MORC2: variants seen among roughly 807,000 people sequenced by gnomAD.
MORC2 encodes ATPase MORC2.
A neutral mutation model predicts 136.0 loss-of-function variants in MORC2; 30 were observed. The ratio of observed to expected loss-of-function variants is 0.22; its 90% CI spans 0.17 to 0.30. The LOEUF is 0.30. Ranked by LOEUF, MORC2 falls within the 10% of genes least tolerant of loss-of-function variation. MORC2 has a pLI of 1.00. For missense variants in MORC2, 922 were observed against 1,333.1 expected (o/e 0.69, Z 4.80); for synonymous variants, 439 against 487.0 (o/e 0.90, Z 1.30).
At chr22:30,967,771 T>C (rs1221523964) in intron 1 of MORC2, 51 bp downstream of exon 1, 7 of 1,548,506 alleles carry the variant, frequency 4.5e-6, no homozygotes, top group Non-Finnish European at 4.4e-6. Context: ...TTCCATATAA[T>C]ATCAAGGAAC....
intron 17 of MORC2, among the ~76,000 whole-genome samples, chr22:30,936,062 A>G (rs2040646975): frequency 6.6e-6 from 1 of 152,242 alleles, no homozygotes; most frequent in Middle Eastern, 3.2e-3. Flanking sequence ...TCACTTCTAG[A>G]AAGTCATCAA....
Position 30,968,176 on chromosome 22 carries a change from G to A in MORC2, c.-287C>T. On this transcript the variant is annotated 5_prime_UTR_variant, in exon 1 of 26. Transcript: ENST00000397641. ...GAGCTTTTAGCATTAAGTTGCGATAGCTCAATTCAGACAATCTGAGTCTCG... is the reference window on the plus strand; with the variant it reads ...GAGCTTTTAGCATTAAGTTGCGATAACTCAATTCAGACAATCTGAGTCTCG... 1 of 343,338 alleles carries A rather than the reference G, an allele frequency of 2.9e-6. No homozygotes were observed. The highest frequency in any genetic ancestry group is 6.9e-5 in the East Asian group (1 of 14,480). 21.3% of individuals were successfully genotyped at this position (343,338 alleles called of 1,614,324 possible). A position where few individuals can be genotyped will look rare whatever the true frequency, so the allele number is the denominator to read the frequency against.
At chr22:30,943,624 G>A (rs1441927578) in intron 6 of MORC2, among the ~76,000 whole-genome samples, 2 of 152,232 alleles carry the variant, frequency 1.3e-5, no homozygotes. Context: ...TGCAGAGCAG[G>A]CCAGGCTAAG....
At chr22:30,963,158 A>T in intron 1 of MORC2, 1 of 220,014 alleles carries the variant, frequency 4.5e-6, no homozygotes, top group Non-Finnish European at 7.7e-6. Context: ...TTGTATTTTT[A>T]GTACAGACGG....
Position 30,934,339 on chromosome 22 carries a change from C to T in MORC2, c.2194-148G>A. The T allele has an allele frequency of 8.7e-7, 1 of 1,144,144 alleles. No individual in the cohort carries two copies. The highest frequency in any genetic ancestry group is 1.2e-6 in the Non-Finnish European group (1 of 823,020). The allele number at this position is 1,144,144 out of a possible 1,614,324, so 70.9% of individuals were successfully genotyped here. ...CATTACTTGGAATGTACACAGGCAA[C>T]CCACTGGCCCCTGCGCCATAAGGAT... On this transcript the variant is annotated intron_variant, in intron 19 of 25. Transcript: ENST00000397641. The surrounding 1 kb of genome is among the most constrained non-coding windows in gnomAD (Gnocchi z 4.4).
chr22:30,967,203 T>C, intron 1 of MORC2: 1 of 985,706 alleles, frequency 1.0e-6, no homozygotes, highest in Non-Finnish European at 1.2e-6. Flanking sequence ...TACTCCTTCA[T>C]GAACTCAAGA....
In MORC2 at chr22:30,937,562, G is replaced by A. The variant is rs1425447368; in HGVS notation, c.1498+21C>T. On this transcript the variant is annotated intron_variant, in intron 15 of 25. Transcript: ENST00000397641. The surrounding 1 kb of genome is among the most constrained non-coding windows in gnomAD (Gnocchi z 4.7). ...GTGGGCTGATGGAAATGAGTCGGGG[G>A]GGTCCAACCACCCAACTCACCGCAC... 1.1e-5 allele frequency: 17 copies of A among 1,610,366 alleles called. No individual in the cohort carries two copies. The East Asian group carries it at 3.6e-4, about 34-fold the overall frequency.
intron 11 of MORC2, 87 bp from the exon 12 acceptor site, chr22:30,939,793 T>G: frequency 7.0e-7 from 1 of 1,421,440 alleles, no homozygotes; most frequent in Non-Finnish European, 9.7e-7. Context: ...ACATCTCAAT[T>G]TATCTCAAAG....
chr22:30,965,369 A>T (rs1056715145), intron 1 of MORC2, among the ~76,000 whole-genome samples: 10 of 152,346 alleles, frequency 6.6e-5, no homozygotes, highest in African/African-American at 2.2e-4. Context: ...TTCCATCTTT[A>T]TGAGCTACAA....
chr22:30,956,796 C>T lies in MORC2; in HGVS notation c.124G>A (p.Asp42Asn). The change falls in exon 3 of 26, where the codon GAT becomes AAT. Residue 42 changes from aspartate to asparagine, a missense_variant and splice_region_variant. Transcript: ENST00000397641. ...ATATCTATTCTGGTGGCATCAGCAT[C>T]TCTGCAAAGTGAAAAGAAAAGAATC... ...ALAELVDNAR[D>N]ADATRIDIYA... 6.5e-7 allele frequency: 1 copy of T among 1,545,394 alleles called. No homozygotes were observed. Among genetic ancestry groups the T allele is most frequent in the Non-Finnish European group, 8.7e-7 (1 of 1,142,942 alleles).
intron 10 of MORC2, 23 bp from the exon 11 acceptor site, chr22:30,940,064 G>A (rs761334794): frequency 5.6e-6 from 9 of 1,610,468 alleles, no homozygotes; most frequent in Non-Finnish European, 7.6e-6. Context: ...AGAGAACATG[G>A]TAAGAAATGC....
chr22:30,938,339 C>T lies in MORC2; in HGVS notation c.1074-134G>A, dbSNP rs894028818. On this transcript the variant is annotated intron_variant, in intron 12 of 25. Transcript: ENST00000397641. ...TTTTGTATCTCTATTTGATGTGTAA[C>T]CTGTTAGACTTGATATGGACATGCA... is the stretch of plus-strand genomic sequence containing the variant. The T allele has an allele frequency of 4.0e-6, 4 of 992,504 alleles. No individual in the cohort carries two copies. The African/African-American group carries it at 6.5e-5, about 16-fold the overall frequency. The allele number at this position is 992,504 out of a possible 1,614,324, so 61.5% of individuals were successfully genotyped here.
intron 10 of MORC2, among the ~76,000 whole-genome samples, chr22:30,940,275 A>G (rs2040723594): frequency 6.6e-6 from 1 of 151,968 alleles, no homozygotes; most frequent in East Asian, 1.9e-4. Context: ...AAACTTTACA[A>G]ATGAACCAGA....
At chr22:30,952,967 A>T (rs1398797859) in intron 3 of MORC2, among the ~76,000 whole-genome samples, 1 of 152,220 alleles carries the variant, frequency 6.6e-6, no homozygotes, top group Non-Finnish European at 1.5e-5. Context: ...GTGAAAATAG[A>T]TTCTGGGCTC....
chr22:30,961,892 T>A (rs371871962), intron 1 of MORC2, among the ~76,000 whole-genome samples: 9 of 152,240 alleles, frequency 5.9e-5, no homozygotes, highest in African/African-American at 2.2e-4. Context: ...ACAAAGCACC[T>A]GCCACACAGT....
chr22:30,965,073 A>T (rs905548000), intron 1 of MORC2, among the ~76,000 whole-genome samples: 1 of 152,256 alleles, frequency 6.6e-6, no homozygotes, highest in African/African-American at 2.4e-5. Context: ...CCAAGGACAC[A>T]GCCAGGAAAC....
chr22:30,940,542 A>G (rs896474861), intron 10 of MORC2, among the ~76,000 whole-genome samples: 4 of 152,200 alleles, frequency 2.6e-5, no homozygotes, highest in Non-Finnish European at 5.9e-5. Context: ...TAGGCCCTAT[A>G]AATGGCAGAA....
At chr22:30,930,467 G>A (rs1275036389) in intron 24 of MORC2, among the ~76,000 whole-genome samples, 2 of 152,208 alleles carry the variant, frequency 1.3e-5, no homozygotes, top group Non-Finnish European at 2.9e-5. Flanking sequence ...CTTGCTGGCA[G>A]AGCAAGGCAG....
chr22:30,963,306 T>C, intron 1 of MORC2: 1 of 984,026 alleles, frequency 1.0e-6, no homozygotes, highest in Non-Finnish European at 1.2e-6. Context: ...GACCTAAACA[T>C]CCTTTGCATG....
Sources: allele counts gnomAD v4.1 joint callset (sites outside exome capture counted in the v4.1 genomes callset), GRCh38; gene constraint gnomAD v4.1.1; non-coding constraint Gnocchi (gnomAD v3.1); transcripts MANE v1.5; gene names NCBI Gene and HGNC (gene_info 2026-07-23, HGNC 2026-07-21).